The following KANTR variants were observed in gnomAD, a reference collection of about 807,000 sequenced individuals.
The protein encoded by KANTR is KDM5C adjacent transcript.
At chrX:53,143,327 G>A, downstream of KANTR, 2 of 677,407 alleles carry the variant, frequency 3.0e-6, no homozygotes, top group Admixed American at 2.4e-5. Flanking sequence ...TGATGGTGAA[G>A]CTTGGTGAGG....
At chrX:53,106,167 A>T (rs1229367044) in intron 2 of KANTR, among the ~76,000 whole-genome samples, 19 of 109,697 alleles carry the variant, frequency 1.7e-4, no homozygotes, top group Non-Finnish European at 3.2e-4. Flanking sequence ...AGATAATATG[A>T]ATTATAAATA....
intron 2 of KANTR, among the ~76,000 whole-genome samples, chrX:53,137,789 G>A (rs1242407423): frequency 1.8e-5 from 2 of 109,208 alleles, no homozygotes; most frequent in Non-Finnish European, 3.8e-5. Context: ...AAAAAAATCT[G>A]TTTTTCCCTA....
intron 1 of KANTR, chrX:53,094,739 C>G (rs1556810574): frequency 8.9e-6 from 1 of 112,099 alleles, no homozygotes; most frequent in Non-Finnish European, 1.9e-5. Context: ...CCTCAGTTTC[C>G]TCATCTGCCA....
At chrX:53,146,532 C>G (rs782222665), downstream of KANTR, among the ~76,000 whole-genome samples, 3 of 111,787 alleles carry the variant, frequency 2.7e-5, no homozygotes, top group Non-Finnish European at 5.6e-5. Context: ...CTGAAAGTGA[C>G]GGGGAGAATG....
intron 2 of KANTR, among the ~76,000 whole-genome samples, chrX:53,100,907 A>C (rs1932886991): frequency 8.9e-6 from 1 of 112,893 alleles, no homozygotes; most frequent in Non-Finnish European, 1.9e-5. Flanking sequence ...TTCACCTTGC[A>C]CTTTTATGTT....
chrX:53,099,141 C>T (rs781840064), intron 1 of KANTR, among the ~76,000 whole-genome samples: 13 of 111,394 alleles, frequency 1.2e-4, no homozygotes, highest in Non-Finnish European at 2.1e-4. Context: ...GAAGCCAAGG[C>T]GGGTGAATTG....
exon 3 of KANTR, chrX:53,126,638 A>G (rs1422176805): frequency 2.7e-5 from 3 of 112,001 alleles, no homozygotes; most frequent in Non-Finnish European, 5.6e-5. Context: ...AAAACATTTT[A>G]TATAATTTTT....
chrX:53,095,844 T>C, intron 1 of KANTR, among the ~76,000 whole-genome samples: 1 of 110,638 alleles, frequency 9.0e-6, no homozygotes, highest in Non-Finnish European at 1.9e-5. Context: ...TCTGGAAAAA[T>C]CAGTATATAT....
At chrX:53,098,124 A>G (rs1932861308) in intron 1 of KANTR, among the ~76,000 whole-genome samples, 1 of 110,096 alleles carries the variant, frequency 9.1e-6, no homozygotes, top group Non-Finnish European at 1.9e-5. Flanking sequence ...GAAAATTAAC[A>G]TTGATACATA....
chrX:53,095,524 C>T (rs1026278047), intron 1 of KANTR, among the ~76,000 whole-genome samples: 3 of 110,401 alleles, frequency 2.7e-5, no homozygotes, highest in East Asian at 5.6e-4. Flanking sequence ...AATCTGTCTA[C>T]ACCCATAATT....
chrX:53,133,369 A>G (rs1293284660), intron 2 of KANTR, among the ~76,000 whole-genome samples: 4 of 109,052 alleles, frequency 3.7e-5, no homozygotes, highest in Admixed American at 9.8e-5. Flanking sequence ...CTTGTCAAAA[A>G]AAAAAAAGAA....
chrX:53,097,981 G>A (rs2146712936), intron 1 of KANTR, among the ~76,000 whole-genome samples: 1 of 101,611 alleles, frequency 9.8e-6, no homozygotes, highest in East Asian at 3.1e-4. Flanking sequence ...AACACAGGAG[G>A]CAGACGTTGC....
chrX:53,129,235 T>TGTGTGTGTGTGTGTGTGTGTGTGTGTG (rs1933330092), downstream of KANTR, among the ~76,000 whole-genome samples: 6 of 83,373 alleles, frequency 7.2e-5, no homozygotes, highest in African/African-American at 2.6e-4. Flanking sequence ...GCCTGGCTAT[T>TGTGTGTGTGTGTGTGTGTGTGTGTGTG]TGTGTGTGTG....
At chrX:53,135,965 AC>A (rs1933414958) in intron 2 of KANTR, among the ~76,000 whole-genome samples, 1 of 112,143 alleles carries the variant, frequency 8.9e-6, no homozygotes, top group Middle Eastern at 4.6e-3. Context: ...CACAGTCTAT[AC>A]AACAGCCCTA....
chrX:53,109,668 T>C (rs1407986994), intron 2 of KANTR, among the ~76,000 whole-genome samples: 2 of 112,712 alleles, frequency 1.8e-5, no homozygotes, highest in African/African-American at 6.4e-5. Context: ...TTGTTGTTAG[T>C]GTATAGAAGT....
chrX:53,096,032 A>T (rs1932842796), intron 1 of KANTR, among the ~76,000 whole-genome samples: 1 of 110,408 alleles, frequency 9.1e-6, no homozygotes, highest in African/African-American at 3.3e-5. Flanking sequence ...TCAAATACCC[A>T]CAAGGCTCAG....
intron 2 of KANTR, among the ~76,000 whole-genome samples, chrX:53,117,667 G>A (rs782424451): frequency 1.1e-5 from 1 of 93,592 alleles, no homozygotes; most frequent in African/African-American, 4.1e-5. Context: ...CCAGGCTGTA[G>A]TGCAGTGCAA....
chrX:53,117,567 G>A (rs2146737090), intron 2 of KANTR, among the ~76,000 whole-genome samples: 1 of 104,982 alleles, frequency 9.5e-6, no homozygotes, highest in South Asian at 4.3e-4. Flanking sequence ...TCAGTTGTGA[G>A]CCTTGTAAAA....
At chrX:53,129,180 G>T (rs782741120), downstream of KANTR, among the ~76,000 whole-genome samples, 2 of 101,424 alleles carry the variant, frequency 2.0e-5, no homozygotes, top group South Asian at 9.6e-4. Context: ...CCATTCTCCT[G>T]CCTCCGCCTC....
Sources: gnomAD v4.1 joint callset for allele counts (sites outside exome capture counted in the v4.1 genomes callset) on GRCh38, gnomAD v4.1.1 for gene constraint, MANE v1.5 for transcripts, NCBI Gene and HGNC (gene_info 2026-07-23, HGNC 2026-07-21) for gene names.